Variants in PATJ observed in about 807,000 individuals in gnomAD.
PATJ encodes PATJ crumbs cell polarity complex component.
A neutral mutation model predicts 224.9 loss-of-function variants in PATJ; 190 were observed. The ratio of observed to expected loss-of-function variants is 0.84; its 90% CI spans 0.75 to 0.95. PATJ has a LOEUF of 0.95. PATJ is among the 40% of genes least tolerant of loss of function. The probability of loss-of-function intolerance (pLI) is 0.00; values close to 1 mark genes in which losing one functional copy is unlikely to be tolerated. For missense variants in PATJ, 2,121 were observed against 2,270.3 expected (o/e 0.93, Z 1.34); for synonymous variants, 769 against 820.3 (o/e 0.94, Z 1.07).
At chr1:62,106,196 A>C (rs1663024848) in intron 33 of PATJ, among the ~76,000 whole-genome samples, 1 of 114,594 alleles carries the variant, frequency 8.7e-6, no homozygotes, top group Non-Finnish European at 1.8e-5. Flanking sequence ...ATGGCTGGGC[A>C]CAGCGGCTCA....
At chr1:61,906,389 G>A (rs2149191017) in intron 24 of PATJ, among the ~76,000 whole-genome samples, 1 of 152,228 alleles carries the variant, frequency 6.6e-6, no homozygotes, top group African/African-American at 2.4e-5. Context: ...TGGTCTTTGT[G>A]GTGACTGGCC....
In PATJ at chr1:62,156,432, A is replaced by C. The variant is rs150702924; in HGVS notation, c.5502+2951A>C. Among the ~76,000 whole-genome samples, 526 of 152,106 alleles carry C rather than the reference A, an allele frequency of 3.5e-3. 22 individuals carry two copies. The East Asian group carries it at 0.091, about 26-fold the overall frequency. On this transcript the variant is annotated intron_variant, in intron 43 of 43. Transcript: ENST00000642238. The stretch of plus-strand genomic sequence containing the variant: ...GTAATCCCAGCTACTCGGGAGGCTG[A>C]GGCACGAGAATCACTTGAACCTGGG...
chr1:62,085,062 G>A (rs989237698), intron 33 of PATJ, among the ~76,000 whole-genome samples: 3 of 152,242 alleles, frequency 2.0e-5, no homozygotes, highest in African/African-American at 7.2e-5. Flanking sequence ...AGGAGATCAA[G>A]ACCAGCCTGG....
chr1:62,155,417 C>T (rs2457821), intron 43 of PATJ, among the ~76,000 whole-genome samples: 105,649 of 151,930 alleles, frequency 0.7, 37,075 homozygotes, highest in East Asian at 0.82. Context: ...GACACCCTGA[C>T]GGGGCACCAG....
chr1:61,790,667 C>A (rs1228675274), intron 8 of PATJ, among the ~76,000 whole-genome samples: 3 of 151,868 alleles, frequency 2.0e-5, no homozygotes, highest in Non-Finnish European at 4.4e-5. Context: ...GCATGTGCCA[C>A]CATGCCTGGC....
intron 33 of PATJ, among the ~76,000 whole-genome samples, chr1:62,090,516 A>C (rs1660600803): frequency 6.6e-6 from 1 of 152,190 alleles, no homozygotes; most frequent in Non-Finnish European, 1.5e-5. Flanking sequence ...GCCAGAAAAG[A>C]GTAGAGCCAT....
At chr1:62,044,619 T>G (rs954159600) in intron 30 of PATJ, among the ~76,000 whole-genome samples, 2 of 152,214 alleles carry the variant, frequency 1.3e-5, no homozygotes, top group East Asian at 3.9e-4. Flanking sequence ...GACCTCCTTT[T>G]TGCTTTCTTA....
chr1:61,837,855 C>G (rs1660432030), intron 17 of PATJ, among the ~76,000 whole-genome samples: 1 of 146,606 alleles, frequency 6.8e-6, no homozygotes, highest in South Asian at 2.2e-4. Flanking sequence ...GTCTATAGAA[C>G]AATAGGGTAG....
At chr1:61,868,551 G>T (rs894650229) in intron 20 of PATJ, among the ~76,000 whole-genome samples, 26 of 152,160 alleles carry the variant, frequency 1.7e-4, no homozygotes, top group African/African-American at 6.3e-4. Flanking sequence ...CACTTTGGGA[G>T]GCCAAGGTGG....
At chr1:61,993,897 T>G (rs1055097989) in intron 28 of PATJ, among the ~76,000 whole-genome samples, 4 of 152,318 alleles carry the variant, frequency 2.6e-5, no homozygotes, top group Admixed American at 2.6e-4. Flanking sequence ...ACATTTTGCT[T>G]TATTGGACTC....
intron 28 of PATJ, among the ~76,000 whole-genome samples, chr1:61,992,114 A>ACTCTT (rs1370780986): frequency 7.6e-6 from 1 of 131,834 alleles, no homozygotes. Context: ...TCCCTGTGGG[A>ACTCTT]TTCTTTTTTT....
intron 1 of PATJ, among the ~76,000 whole-genome samples, chr1:61,747,416 G>A (rs942731348): frequency 1.3e-5 from 2 of 152,066 alleles, no homozygotes; most frequent in African/African-American, 2.4e-5. Context: ...ACCATATAAC[G>A]CTTGACAAGT....
intron 7 of PATJ, 85 bp downstream of exon 7, chr1:61,775,419 C>A: frequency 8.4e-7 from 1 of 1,187,716 alleles, no homozygotes; most frequent in Non-Finnish European, 1.2e-6. Flanking sequence ...CATGAGTTAC[C>A]AGGATATATG....
At chr1:61,990,125 G>T in intron 27 of PATJ, 43 bp from the exon 28 acceptor site, 1 of 1,348,608 alleles carries the variant, frequency 7.4e-7, no homozygotes, top group South Asian at 1.3e-5. Context: ...CAATAATACA[G>T]ATCAAGCTAC....
chr1:61,939,343 ACAGT>A (rs1006542309), intron 27 of PATJ, among the ~76,000 whole-genome samples: 1 of 109,982 alleles, frequency 9.1e-6, no homozygotes, highest in African/African-American at 3.7e-5. Flanking sequence ...ACACACACAC[ACAGT>A]CAGAAGAAAG....
chr1:62,152,000 C>T (rs1330149385), intron 42 of PATJ, among the ~76,000 whole-genome samples: 1 of 152,152 alleles, frequency 6.6e-6, no homozygotes, highest in African/African-American at 2.4e-5. Flanking sequence ...CTAAATTTTA[C>T]ATTTGAAACA....
chr1:61,883,212 A>G (rs1332133315), intron 21 of PATJ, among the ~76,000 whole-genome samples: 3 of 152,208 alleles, frequency 2.0e-5, no homozygotes, highest in Non-Finnish European at 4.4e-5. Flanking sequence ...AGAACATAAG[A>G]AGTAAAGTCC....
chr1:62,137,572 G>C (rs11580172), intron 41 of PATJ, among the ~76,000 whole-genome samples: 10 of 106,706 alleles, frequency 9.4e-5, no homozygotes, highest in Non-Finnish European at 1.3e-4. Flanking sequence ...AGTGAGGGGG[G>C]ACAGAGGCCT....
intron 41 of PATJ, among the ~76,000 whole-genome samples, chr1:62,144,775 A>ATATATATATATATATAT (rs1218856613): frequency 3.3e-5 from 3 of 90,852 alleles, no homozygotes; most frequent in South Asian, 6.7e-4. Flanking sequence ...GCAAAAAAAA[A>ATATATATATATATATAT]AAATATATAT....
Sources: allele counts gnomAD v4.1 joint callset (sites outside exome capture counted in the v4.1 genomes callset), GRCh38; gene constraint gnomAD v4.1.1; transcripts MANE v1.5; gene names NCBI Gene and HGNC (gene_info 2026-07-23, HGNC 2026-07-21).